CFAP54: variants seen among roughly 807,000 people sequenced by gnomAD.
CFAP54 encodes cilia- and flagella-associated protein 54.
In CFAP54, 290 loss-of-function variants were observed where a neutral mutation model predicts 370.4. The ratio of observed to expected loss-of-function variants is 0.78; its 90% CI spans 0.71 to 0.86. CFAP54 has a LOEUF of 0.86. CFAP54 is among the 40% of genes least tolerant of loss of function. CFAP54 has a pLI of 0.00. For missense variants in CFAP54, 3,399 were observed against 3,528.7 expected, an observed-to-expected ratio of 0.96 and a Z score of 0.93; for synonymous variants, 1,206 against 1,236.5, an observed-to-expected ratio of 0.98 and a Z score of 0.52.
At chr12:96,597,261 A>C (rs1956190209) in intron 25 of CFAP54, among the ~76,000 whole-genome samples, 1 of 152,016 alleles carries the variant, frequency 6.6e-6, no homozygotes, top group Admixed American at 6.6e-5. Context: ...TAAAACCTCC[A>C]TTTGAAATAA....
At chr12:96,823,707 C>T (rs1488851679) in intron 65 of CFAP54, among the ~76,000 whole-genome samples, 6 of 152,106 alleles carry the variant, frequency 3.9e-5, no homozygotes, top group African/African-American at 9.7e-5. Flanking sequence ...ATTCCTCCTT[C>T]GTGGCCTATA....
chr12:96,645,328 A>C (rs1956776242), intron 33 of CFAP54: 1 of 331,416 alleles, frequency 3.0e-6, no homozygotes, highest in African/African-American at 2.1e-5. Context: ...GAGCCAAATC[A>C]TGAGTGAACT....
At chr12:96,670,490 C>A (rs1260994116) in intron 39 of CFAP54, among the ~76,000 whole-genome samples, 1 of 152,314 alleles carries the variant, frequency 6.6e-6, no homozygotes, top group East Asian at 1.9e-4. Flanking sequence ...GTTGACATTT[C>A]ATTGACCACA....
intron 47 of CFAP54, among the ~76,000 whole-genome samples, chr12:96,707,209 T>A (rs929041620): frequency 6.6e-6 from 1 of 152,172 alleles, no homozygotes; most frequent in Non-Finnish European, 1.5e-5. Context: ...TGATCAGTAG[T>A]ATCAAATTTT....
At chr12:96,837,097 C>T (rs1361312201) in intron 66 of CFAP54, among the ~76,000 whole-genome samples, 1 of 152,182 alleles carries the variant, frequency 6.6e-6, no homozygotes, top group East Asian at 1.9e-4. Context: ...ACTGGGATTA[C>T]AGGTATGAGC....
intron 55 of CFAP54, among the ~76,000 whole-genome samples, chr12:96,749,688 C>A (rs1291404471): frequency 6.6e-6 from 1 of 152,184 alleles, no homozygotes; most frequent in African/African-American, 2.4e-5. Context: ...CATTGACTAT[C>A]TTCTCAAAAT....
At chr12:96,764,026 T>A in intron 58 of CFAP54, 125 bp from the exon 59 acceptor site, 1 of 565,486 alleles carries the variant, frequency 1.8e-6, no homozygotes, top group Non-Finnish European at 3.0e-6. Context: ...TCGAATATCT[T>A]CTCATGTCAA....
At chr12:96,730,799 CAT>C (rs1162175265) in intron 50 of CFAP54, among the ~76,000 whole-genome samples, 1 of 152,174 alleles carries the variant, frequency 6.6e-6, no homozygotes, top group Non-Finnish European at 1.5e-5. Context: ...TGATTGGAAA[CAT>C]ATAATCATCT....
At chr12:96,826,644 A>G (rs1276621639) in intron 65 of CFAP54, among the ~76,000 whole-genome samples, 9 of 107,944 alleles carry the variant, frequency 8.3e-5, no homozygotes, top group Non-Finnish European at 1.5e-4. Flanking sequence ...TAAATATAGT[A>G]TATATTAAAT....
intron 22 of CFAP54, among the ~76,000 whole-genome samples, chr12:96,587,831 A>G (rs887391404): frequency 4.6e-5 from 7 of 152,182 alleles, no homozygotes; most frequent in African/African-American, 7.2e-5. Context: ...ACCACTTAGT[A>G]CAGTTGAGTC....
chr12:96,619,875 T>C (rs568278199), intron 26 of CFAP54, among the ~76,000 whole-genome samples: 117 of 152,342 alleles, frequency 7.7e-4, no homozygotes, highest in African/African-American at 2.6e-3. Context: ...TGCTGAACAT[T>C]CAAGGTTTTG....
At chr12:96,637,298 G>A (rs559324618) in intron 32 of CFAP54, among the ~76,000 whole-genome samples, 1 of 152,280 alleles carries the variant, frequency 6.6e-6, no homozygotes, top group East Asian at 1.9e-4. Flanking sequence ...TTCATCGGTT[G>A]ATAGACTTTT....
intron 62 of CFAP54, among the ~76,000 whole-genome samples, chr12:96,791,403 C>T (rs1360242179): frequency 6.6e-6 from 1 of 152,024 alleles, no homozygotes; most frequent in African/African-American, 2.4e-5. Flanking sequence ...AAGTAATTTA[C>T]CAAATTGGCA....
chr12:96,824,135 A>G (rs1959061472), intron 65 of CFAP54, among the ~76,000 whole-genome samples: 1 of 152,146 alleles, frequency 6.6e-6, no homozygotes, highest in African/African-American at 2.4e-5. Flanking sequence ...GCCCCTCGCT[A>G]GCTGCAGCAT....
intron 65 of CFAP54, among the ~76,000 whole-genome samples, chr12:96,826,642 GTA>G (rs1184280295): frequency 9.9e-6 from 1 of 101,084 alleles, no homozygotes; most frequent in Non-Finnish European, 1.8e-5. Flanking sequence ...ATTAAATATA[GTA>G]TATATTAAAT....
chr12:96,845,520 A>G (rs1282970735), intron 66 of CFAP54, among the ~76,000 whole-genome samples: 3 of 152,170 alleles, frequency 2.0e-5, no homozygotes, highest in Non-Finnish European at 4.4e-5. Flanking sequence ...TTACTGGTTG[A>G]TGTGGGAGTA....
intron 19 of CFAP54, among the ~76,000 whole-genome samples, chr12:96,567,253 T>TCC (rs758503971): frequency 4.6e-5 from 7 of 152,048 alleles, no homozygotes; most frequent in Non-Finnish European, 8.8e-5. Flanking sequence ...TTAGATGCAA[T>TCC]AAGGGTAGGA....
At chr12:96,641,945 G>T (rs1592901837) in intron 32 of CFAP54, among the ~76,000 whole-genome samples, 1 of 151,464 alleles carries the variant, frequency 6.6e-6, no homozygotes, top group Admixed American at 6.6e-5. Context: ...GTGCGGGGGG[G>T]GAGGGATAGC....
intron 66 of CFAP54, among the ~76,000 whole-genome samples, chr12:96,841,924 G>A (rs1054691554): frequency 2.6e-5 from 4 of 152,218 alleles, no homozygotes; most frequent in African/African-American, 9.7e-5. Context: ...TTCTCCGATA[G>A]GATTACATTA....
Sources: allele counts gnomAD v4.1 joint callset (sites outside exome capture counted in the v4.1 genomes callset), GRCh38; gene constraint gnomAD v4.1.1; transcripts MANE v1.5; gene names NCBI Gene and HGNC (gene_info 2026-07-23, HGNC 2026-07-21).